GAB2: variants seen among roughly 807,000 people sequenced by gnomAD.
GAB2 encodes the protein GRB2-associated-binding protein 2.
A neutral mutation model predicts 65.5 loss-of-function variants in GAB2; 26 were observed. That is an observed-to-expected ratio of 0.40 (90% CI 0.29 to 0.55). The LOEUF (loss-of-function observed/expected upper bound fraction) is 0.55. GAB2 is among the 20% of genes least tolerant of loss of function. The pLI is 0.53. For synonymous variants in GAB2, 321 were observed against 329.6 expected (o/e 0.97, Z 0.28); for missense variants, 884 against 875.8 (o/e 1.01, Z -0.12).
chr11:78,346,707 ATATATATATATAT>A (rs1379180446), intron 1 of GAB2, among the ~76,000 whole-genome samples: 1 of 93,840 alleles, frequency 1.1e-5, no homozygotes, highest in Non-Finnish European at 1.8e-5. Context: ...ATATATATAT[ATATATATATATAT>A]AATTTTTTTT....
intron 1 of GAB2, among the ~76,000 whole-genome samples, chr11:78,395,758 C>T (rs1317190820): frequency 1.3e-5 from 2 of 152,294 alleles, no homozygotes; most frequent in Non-Finnish European, 2.9e-5. Flanking sequence ...GCCATTATCT[C>T]TATTTTACAG....
At chr11:78,356,687 T>G (rs987884232) in intron 1 of GAB2, among the ~76,000 whole-genome samples, 2 of 152,224 alleles carry the variant, frequency 1.3e-5, no homozygotes, top group African/African-American at 4.8e-5. Context: ...AAATGAGTCA[T>G]GCTGTCAAGA....
intron 2 of GAB2, among the ~76,000 whole-genome samples, chr11:78,257,115 C>T (rs1351696564): frequency 1.3e-5 from 2 of 152,118 alleles, no homozygotes; most frequent in East Asian, 3.9e-4. Context: ...AAACACTCCT[C>T]CCACCTTCTT....
At chr11:78,365,511 C>T (rs550488691) in intron 1 of GAB2, among the ~76,000 whole-genome samples, 168 of 152,268 alleles carry the variant, frequency 1.1e-3, no homozygotes, top group East Asian at 9.7e-4. Flanking sequence ...CCAGTTTAGT[C>T]AACATCAATT....
chr11:78,235,217 A>C (rs1000526375), intron 3 of GAB2, among the ~76,000 whole-genome samples: 32 of 151,584 alleles, frequency 2.1e-4, no homozygotes, highest in African/African-American at 7.8e-4. Context: ...CAGTGGCACG[A>C]TCTCGGCTCA....
intron 1 of GAB2, among the ~76,000 whole-genome samples, chr11:78,379,534 A>G (rs1856671890): frequency 6.6e-6 from 1 of 152,208 alleles, no homozygotes; most frequent in African/African-American, 2.4e-5. Flanking sequence ...GGCTGGACTG[A>G]TAACAGTGAG....
At chr11:78,259,030 C>T (rs1242254563) in intron 2 of GAB2, among the ~76,000 whole-genome samples, 1 of 152,108 alleles carries the variant, frequency 6.6e-6, no homozygotes, top group Non-Finnish European at 1.5e-5. Context: ...CTCCTACCCT[C>T]TACCCTCTGG....
intron 2 of GAB2, among the ~76,000 whole-genome samples, chr11:78,271,049 A>G (rs1865996844): frequency 6.6e-6 from 1 of 152,248 alleles, no homozygotes; most frequent in Non-Finnish European, 1.5e-5. Flanking sequence ...GATAAAAGGA[A>G]AAGAGAAGTC....
chr11:78,376,581 A>T (rs893866248), intron 1 of GAB2, among the ~76,000 whole-genome samples: 3 of 152,230 alleles, frequency 2.0e-5, no homozygotes, highest in Non-Finnish European at 4.4e-5. Flanking sequence ...GAAACTTGGA[A>T]ATGTGTTTTC....
intron 7 of GAB2, 110 bp from the exon 8 acceptor site, chr11:78,221,889 C>A: frequency 1.4e-6 from 1 of 725,098 alleles, no homozygotes; most frequent in Non-Finnish European, 2.4e-6. Context: ...GCCATTAGAG[C>A]TGCACACTCC....
intron 1 of GAB2, among the ~76,000 whole-genome samples, chr11:78,325,695 T>G (rs1007910641): frequency 2.0e-5 from 3 of 152,180 alleles, no homozygotes; most frequent in African/African-American, 7.2e-5. Context: ...CCACGTAAAG[T>G]GTGGGCTTTC....
intron 3 of GAB2, among the ~76,000 whole-genome samples, chr11:78,248,810 C>T (rs1292011072): frequency 6.6e-6 from 1 of 152,198 alleles, no homozygotes; most frequent in Admixed American, 6.5e-5. Flanking sequence ...CCGACTGACT[C>T]CAAAGCCTGA....
chr11:78,275,651 A>G (rs1866146846), intron 2 of GAB2, among the ~76,000 whole-genome samples: 1 of 152,252 alleles, frequency 6.6e-6, no homozygotes, highest in African/African-American at 2.4e-5. Context: ...CACAGATGAT[A>G]TTCTTGCTCT....
chr11:78,344,323 T>C (rs911043027), intron 1 of GAB2, among the ~76,000 whole-genome samples: 1 of 152,158 alleles, frequency 6.6e-6, no homozygotes, highest in African/African-American at 2.4e-5. Flanking sequence ...CATAAGGTAA[T>C]GGCAGATGCT....
intron 1 of GAB2, among the ~76,000 whole-genome samples, chr11:78,309,932 G>A (rs1855454315): frequency 2.7e-4 from 3 of 11,276 alleles, no homozygotes; most frequent in African/African-American, 8.2e-4. Context: ...AGAAATGTGT[G>A]TGTGTGTGTG....
chr11:78,411,292 G>C (rs1857125754), intron 1 of GAB2, among the ~76,000 whole-genome samples: 1 of 152,110 alleles, frequency 6.6e-6, no homozygotes, highest in Admixed American at 6.6e-5. Context: ...TTGGTACACA[G>C]GATTAATGCA....
At chr11:78,243,505 G>C (rs1240174327) in intron 3 of GAB2, among the ~76,000 whole-genome samples, 2 of 151,642 alleles carry the variant, frequency 1.3e-5, no homozygotes, top group Non-Finnish European at 1.5e-5. Context: ...AGAAAAAGGA[G>C]ACATTGTAAC....
chr11:78,351,303 C>T (rs1187127749), intron 1 of GAB2, among the ~76,000 whole-genome samples: 2 of 151,270 alleles, frequency 1.3e-5, no homozygotes, highest in African/African-American at 2.4e-5. Context: ...TACAAGATTT[C>T]GTATAGAAGC....
In GAB2 at chr11:78,218,473, CT is replaced by C. The variant is rs1212836477; in HGVS notation, c.*798del. 2 of 152,540 alleles carry C rather than the reference CT, an allele frequency of 1.3e-5. No individual in the cohort carries two copies. The highest frequency in any genetic ancestry group is 4.8e-5 in the African/African-American group (2 of 41,458). The allele number at this position is 152,540 out of a possible 1,614,324, so 9.4% of individuals were successfully genotyped here. On this transcript the variant is annotated 3_prime_UTR_variant, in exon 10 of 10. Coordinates refer to ENST00000361507, the MANE Select transcript of GAB2 (RefSeq NM_080491.3). ...TAGAGTGGCCTGTAGCTCCAGAGTT[CT>C]GGGGACCCAGACCCCACAGTGTCCT...
Sources: allele counts gnomAD v4.1 joint callset (sites outside exome capture counted in the v4.1 genomes callset), GRCh38; gene constraint gnomAD v4.1.1; transcripts MANE v1.5; gene names NCBI Gene and HGNC (gene_info 2026-07-23, HGNC 2026-07-21).